ALDH1A2: variants seen among roughly 807,000 people sequenced by gnomAD.
ALDH1A2 encodes the protein retinal dehydrogenase 2.
A neutral mutation model predicts 60.3 loss-of-function variants in ALDH1A2; 27 were observed. The ratio of observed to expected loss-of-function variants is 0.45; its 90% CI spans 0.33 to 0.62. ALDH1A2 has a LOEUF of 0.62. Among genes scored for constraint, ALDH1A2 ranks in the 20% least tolerant of loss-of-function variants. The pLI is 0.02. For missense variants in ALDH1A2, 581 were observed against 643.8 expected (o/e 0.90, Z 1.06); for synonymous variants, 289 against 232.4 (o/e 1.24, Z -2.21).
intron 1 of ALDH1A2, among the ~76,000 whole-genome samples, chr15:58,055,497 T>C (rs1896873112): frequency 6.6e-6 from 1 of 152,000 alleles, no homozygotes. Flanking sequence ...AAAAATATAA[T>C]ACCATGCAAA....
intron 1 of ALDH1A2, among the ~76,000 whole-genome samples, chr15:58,032,541 A>T (rs966118073): frequency 6.6e-6 from 1 of 152,082 alleles, no homozygotes; most frequent in African/African-American, 2.4e-5. Flanking sequence ...GCCAGCAAGG[A>T]TGTGGAGAAA....
intron 8 of ALDH1A2, among the ~76,000 whole-genome samples, chr15:57,965,014 A>G (rs531880569): frequency 2.4e-4 from 34 of 141,988 alleles, no homozygotes; most frequent in South Asian, 8.8e-4. Flanking sequence ...AAGTGGAGGG[A>G]AAAAAAAAAA....
intron 1 of ALDH1A2, among the ~76,000 whole-genome samples, chr15:58,042,576 C>T (rs1286278397): frequency 6.6e-6 from 1 of 151,902 alleles, no homozygotes; most frequent in Non-Finnish European, 1.5e-5. Flanking sequence ...TTCTTGAAAT[C>T]CTAGAATCAC....
chr15:58,041,455 C>T (rs1193930347), intron 1 of ALDH1A2, among the ~76,000 whole-genome samples: 1 of 152,016 alleles, frequency 6.6e-6, no homozygotes, highest in Non-Finnish European at 1.5e-5. Flanking sequence ...ATACCATCAA[C>T]TTTGTGGCTT....
intron 4 of ALDH1A2, among the ~76,000 whole-genome samples, chr15:57,996,399 T>C (rs1370373540): frequency 6.6e-6 from 1 of 151,952 alleles, no homozygotes; most frequent in Non-Finnish European, 1.5e-5. Flanking sequence ...TTTCCTCTTT[T>C]CAAGGAACTT....
intron 1 of ALDH1A2, among the ~76,000 whole-genome samples, chr15:58,032,596 CCA>C (rs1896269478): frequency 6.6e-6 from 1 of 151,886 alleles, no homozygotes; most frequent in African/African-American, 2.4e-5. Flanking sequence ...ACTAATACAA[CCA>C]CTATGGAAAA....
chr15:58,000,141 C>G (rs1374399498), intron 4 of ALDH1A2, among the ~76,000 whole-genome samples: 1 of 151,906 alleles, frequency 6.6e-6, no homozygotes, highest in African/African-American at 2.4e-5. Context: ...ACAGGTGCAG[C>G]AAACCACCAT....
At chr15:57,963,608 G>A (rs1406248242) in intron 9 of ALDH1A2, among the ~76,000 whole-genome samples, 1 of 152,098 alleles carries the variant, frequency 6.6e-6, no homozygotes, top group Non-Finnish European at 1.5e-5. Context: ...CTCCCTAAAA[G>A]CTGAGATTAC....
In ALDH1A2 at chr15:57,955,174, C is replaced by A; in HGVS notation, c.*23G>T. 1.2e-6 allele frequency: 2 copies of A among 1,610,668 alleles called. No individual in the cohort carries two copies. Among genetic ancestry groups the A allele is most frequent in the Non-Finnish European group, 1.7e-6 (2 of 1,176,854 alleles). ...GAGAGGGACAGACGTGCAGGCTGGG[C>A]TTCATCCTCCTTCTTGGCCTTCTTA... On this transcript the variant is annotated 3_prime_UTR_variant, in exon 13 of 13. Transcript: ENST00000249750.
chr15:58,062,741 G>A (rs562135538), intron 1 of ALDH1A2, among the ~76,000 whole-genome samples: 30 of 152,250 alleles, frequency 2.0e-4, no homozygotes, highest in Admixed American at 7.2e-4. Flanking sequence ...TAAAACTTGG[G>A]ATCCAGCTTG....
At chr15:58,065,146 CGGCCAGGCTGCGT>C (rs1897143357) in intron 1 of ALDH1A2, 1 of 290,994 alleles carries the variant, frequency 3.4e-6, no homozygotes, top group Non-Finnish European at 6.7e-6. Flanking sequence ...CGAGAGGCGA[CGGCCAGGCTGCGT>C]GGCCAAGCTG....
intron 8 of ALDH1A2, among the ~76,000 whole-genome samples, chr15:57,964,970 T>C (rs1299008981): frequency 6.6e-6 from 1 of 151,108 alleles, no homozygotes; most frequent in African/African-American, 2.4e-5. Flanking sequence ...ATCTCTCTGG[T>C]GGTGAGACTG....
chr15:57,958,147 C>T (rs114457978), intron 12 of ALDH1A2, among the ~76,000 whole-genome samples: 49 of 152,274 alleles, frequency 3.2e-4, no homozygotes, highest in Non-Finnish European at 4.0e-4. Context: ...TCCCTAGATA[C>T]GCATGCTTAA....
chr15:57,967,384 G>C (rs1893933149), intron 7 of ALDH1A2, among the ~76,000 whole-genome samples: 2 of 152,164 alleles, frequency 1.3e-5, no homozygotes, highest in African/African-American at 4.8e-5. Context: ...CTAACCATGA[G>C]CAAGTGTGAG....
At chr15:58,040,014 G>C (rs1317531511) in intron 1 of ALDH1A2, among the ~76,000 whole-genome samples, 2 of 151,792 alleles carry the variant, frequency 1.3e-5, no homozygotes, top group Non-Finnish European at 2.9e-5. Flanking sequence ...CAACAGTCAC[G>C]GTTCTAATAA....
At chr15:58,022,920 G>C (rs964804952) in intron 1 of ALDH1A2, among the ~76,000 whole-genome samples, 1 of 152,152 alleles carries the variant, frequency 6.6e-6, no homozygotes, top group African/African-American at 2.4e-5. Context: ...CAGATGTGCA[G>C]ATATCAACAT....
At chr15:57,999,799 A>T (rs1387246888) in intron 4 of ALDH1A2, among the ~76,000 whole-genome samples, 1 of 152,166 alleles carries the variant, frequency 6.6e-6, no homozygotes, top group South Asian at 2.1e-4. Context: ...AATAGCAAAG[A>T]CGTGGAATCA....
At chr15:58,065,464 AAG>A in intron 1 of ALDH1A2, 68 bp downstream of exon 1, 3 of 1,332,520 alleles carry the variant, frequency 2.3e-6, no homozygotes, top group Non-Finnish European at 3.2e-6. Flanking sequence ...TCACCCGCTG[AAG>A]AGATCGGGGA....
At chr15:57,960,007 A>T (rs1277800634) in intron 12 of ALDH1A2, among the ~76,000 whole-genome samples, 1 of 152,078 alleles carries the variant, frequency 6.6e-6, no homozygotes, top group East Asian at 1.9e-4. Context: ...CTATCCAAGC[A>T]TTCCTCTTCT....
Sources: gnomAD v4.1 joint callset for allele counts (sites outside exome capture counted in the v4.1 genomes callset) on GRCh38, gnomAD v4.1.1 for gene constraint, MANE v1.5 for transcripts, NCBI Gene and HGNC (gene_info 2026-07-23, HGNC 2026-07-21) for gene names.